Variants in MIGA1 observed in about 807,000 individuals in gnomAD.
MIGA1 encodes the protein mitoguardin 1.
In MIGA1, 58 loss-of-function variants were observed where a neutral mutation model predicts 82.0. The ratio of observed to expected loss-of-function variants is 0.71; its 90% CI spans 0.57 to 0.88. The LOEUF is 0.88. MIGA1 is among the 40% of genes least tolerant of loss of function. The pLI, the probability that MIGA1 is intolerant of heterozygous loss-of-function variation, is 0.00. For synonymous variants in MIGA1, 249 were observed against 253.6 expected, an observed-to-expected ratio of 0.98 and a Z score of 0.17; for missense variants, 751 against 749.1, an observed-to-expected ratio of 1.00 and a Z score of -0.03.
intron 2 of MIGA1, among the ~76,000 whole-genome samples, chr1:77,799,128 G>A (rs1349204159): frequency 1.3e-5 from 2 of 152,004 alleles, no homozygotes; most frequent in African/African-American, 4.8e-5. Context: ...AAGATTTTTT[G>A]CATCTATCAA....
At chr1:77,794,007 T>C (rs183376099) in intron 2 of MIGA1, among the ~76,000 whole-genome samples, 58 of 151,272 alleles carry the variant, frequency 3.8e-4, no homozygotes, top group African/African-American at 1.3e-3. Flanking sequence ...CAGGCTGGTC[T>C]CGAACTCCTG....
chr1:77,797,657 C>T (rs893572386), intron 2 of MIGA1, among the ~76,000 whole-genome samples: 2 of 152,006 alleles, frequency 1.3e-5, no homozygotes, highest in African/African-American at 4.8e-5. Context: ...TCATTGTTAC[C>T]TAGCACAGAT....
At chr1:77,865,119 G>A (rs2154138) in intron 13 of MIGA1, among the ~76,000 whole-genome samples, 134,317 of 151,700 alleles carry the variant, frequency 0.89, 59,622 homozygotes, top group Middle Eastern at 0.92. Flanking sequence ...ATGCCAGAGT[G>A]GGGTCAGATT....
intron 7 of MIGA1, among the ~76,000 whole-genome samples, chr1:77,819,622 T>C (rs1332980321): frequency 2.1e-5 from 3 of 142,060 alleles, no homozygotes; most frequent in Non-Finnish European, 3.1e-5. Flanking sequence ...CTGGCTGTGT[T>C]GCCCAGGCTG....
intron 14 of MIGA1, among the ~76,000 whole-genome samples, chr1:77,870,947 G>A (rs1470586583): frequency 2.0e-5 from 3 of 150,238 alleles, no homozygotes; most frequent in Non-Finnish European, 3.0e-5. Context: ...CCAGTCAGGC[G>A]TGGCGGTGCG....
chr1:77,861,183 A>G (rs775819155), intron 11 of MIGA1, 41 bp from the exon 12 acceptor site: 5 of 1,262,534 alleles, frequency 4.0e-6, no homozygotes, highest in Non-Finnish European at 4.6e-6. Context: ...GTAGCTTGTT[A>G]TAAAGTTGAG....
chr1:77,805,850 TCCTC>T (rs1006924117), intron 4 of MIGA1, among the ~76,000 whole-genome samples: 2 of 152,154 alleles, frequency 1.3e-5, no homozygotes, highest in African/African-American at 4.8e-5. Context: ...AATGTGAACT[TCCTC>T]AGTGTCTGAG....
chr1:77,848,654 G>A, intron 8 of MIGA1: 2 of 1,572,226 alleles, frequency 1.3e-6, no homozygotes, highest in Non-Finnish European at 1.7e-6. Context: ...CAAGAGAAGG[G>A]TAAAGAACAA....
At chr1:77,822,175 A>G (rs1213831584) in intron 7 of MIGA1, among the ~76,000 whole-genome samples, 1 of 142,168 alleles carries the variant, frequency 7.0e-6, no homozygotes, top group African/African-American at 2.5e-5. Flanking sequence ...TTTGTATGTC[A>G]GTAATAGCTC....
intron 2 of MIGA1, among the ~76,000 whole-genome samples, chr1:77,797,614 T>C (rs1427113155): frequency 1.3e-5 from 2 of 152,172 alleles, no homozygotes; most frequent in Non-Finnish European, 2.9e-5. Flanking sequence ...ATGATGTCTC[T>C]CTCCTTTTAT....
At chr1:77,785,971 G>A (rs1682143762) in intron 2 of MIGA1, among the ~76,000 whole-genome samples, 1 of 152,244 alleles carries the variant, frequency 6.6e-6, no homozygotes, top group African/African-American at 2.4e-5. Context: ...TACTGCCCTA[G>A]CAGAGGTTCT....
At chr1:77,787,499 C>G (rs1216407965) in intron 2 of MIGA1, among the ~76,000 whole-genome samples, 2 of 151,222 alleles carry the variant, frequency 1.3e-5, no homozygotes, top group Non-Finnish European at 3.0e-5. Context: ...GCAATTCTCC[C>G]TGCCTTAGCC....
chr1:77,838,896 A>G (rs1312173888), intron 7 of MIGA1, among the ~76,000 whole-genome samples: 1 of 152,178 alleles, frequency 6.6e-6, no homozygotes, highest in African/African-American at 2.4e-5. Context: ...AGATTGATCC[A>G]TGTTACTGCA....
intron 2 of MIGA1, among the ~76,000 whole-genome samples, chr1:77,794,989 A>C (rs1276948903): frequency 6.6e-6 from 1 of 150,616 alleles, no homozygotes; most frequent in African/African-American, 2.4e-5. Context: ...TTTAAGATGC[A>C]CCCTTGCTCT....
chr1:77,799,943 G>A (rs1326335510), intron 2 of MIGA1, among the ~76,000 whole-genome samples: 2 of 150,338 alleles, frequency 1.3e-5, no homozygotes, highest in Non-Finnish European at 3.0e-5. Context: ...GGTTGAATTT[G>A]TACTTCTTTT....
At position 77,815,226 on chromosome 1, in the gene MIGA1, A is replaced by C; in HGVS notation, c.890A>C (p.Asp297Ala). 4 of 1,595,190 alleles carry C rather than the reference A, an allele frequency of 2.5e-6. No individual in the cohort carries two copies. The highest frequency in any genetic ancestry group is 3.4e-6 in the Non-Finnish European group (4 of 1,170,982). Reference sequence around the variant, plus strand: ...TCTGATCCTAATTCCCTTGCTGATGATATTGGTAAGATGGATATTTCATAT... The same window carrying C: ...TCTGATCCTAATTCCCTTGCTGATGCTATTGGTAAGATGGATATTTCATAT... Residue 297 changes from aspartate to alanine, a missense_variant, in exon 7 of 16, where the codon GAT becomes GCT. Physicochemically the swap from Asp to Ala is moderately radical, Grantham distance 126 (BLOSUM62 -2). Transcript: ENST00000370791.
chr1:77,804,995 T>TC (rs1683034651), intron 4 of MIGA1, among the ~76,000 whole-genome samples: 1 of 22,432 alleles, frequency 4.5e-5, no homozygotes, highest in South Asian at 7.7e-4. Flanking sequence ...CCATATTTCT[T>TC]TTTTTTTTTT....
intron 2 of MIGA1, among the ~76,000 whole-genome samples, chr1:77,800,064 T>G (rs1039113486): frequency 6.6e-6 from 1 of 152,146 alleles, no homozygotes; most frequent in Non-Finnish European, 1.5e-5. Flanking sequence ...CATCCACAGT[T>G]TAAGGCTTTT....
chr1:77,811,510 A>G (rs1683326864), intron 5 of MIGA1: 70 of 1,571,420 alleles, frequency 4.5e-5, no homozygotes, highest in Non-Finnish European at 5.9e-5. Context: ...TAGCTTCTTC[A>G]GGTCCTCCAG....
Sources: allele counts gnomAD v4.1 joint callset (sites outside exome capture counted in the v4.1 genomes callset), GRCh38; gene constraint gnomAD v4.1.1; transcripts MANE v1.5; gene names NCBI Gene and HGNC (gene_info 2026-07-23, HGNC 2026-07-21).